The following SOX5 variants were observed in gnomAD, a reference collection of about 807,000 sequenced individuals.
SOX5 encodes SRY-box transcription factor 5, also known as transcription factor SOX-5.
SOX5 carries 9 observed loss-of-function variants against 92.0 expected under a neutral mutation model. The ratio of observed to expected loss-of-function variants is 0.10; its 90% CI spans 0.06 to 0.17. The LOEUF (loss-of-function observed/expected upper bound fraction) is 0.17, where lower values mean the gene tolerates loss of function less well. Ranked by LOEUF, SOX5 falls within the 10% of genes least tolerant of loss-of-function variation. The pLI, the probability that SOX5 is intolerant of heterozygous loss-of-function variation, is 1.00. For synonymous variants in SOX5, 344 were observed against 336.3 expected (o/e 1.02, Z -0.25); for missense variants, 642 against 944.5 (o/e 0.68, Z 4.20).
intron 4 of SOX5, among the ~76,000 whole-genome samples, chr12:24,179,224 C>G (rs71450421): frequency 0.037 from 5,692 of 152,156 alleles, 113 homozygotes; most frequent in Middle Eastern, 0.058. Flanking sequence ...CGCAAAAGAA[C>G]CAAAGGAGAA....
chr12:23,722,655 T>C (rs149054798), intron 6 of SOX5, among the ~76,000 whole-genome samples: 134 of 152,308 alleles, frequency 8.8e-4, no homozygotes, highest in African/African-American at 3.1e-3. Context: ...TATATATACA[T>C]ACACATATAC....
intron 4 of SOX5, among the ~76,000 whole-genome samples, chr12:24,095,128 C>CACACACACACACAGAGAG (rs1345578614): frequency 1.1e-5 from 1 of 90,214 alleles, no homozygotes; most frequent in Non-Finnish European, 2.3e-5. Flanking sequence ...CACACACACA[C>CACACACACACACAGAGAG]AGAGAGAGAG....
chr12:24,515,220 A>G (rs1032411443), intron 1 of SOX5, among the ~76,000 whole-genome samples: 2 of 152,168 alleles, frequency 1.3e-5, no homozygotes, highest in African/African-American at 4.8e-5. Context: ...TGGACCTGGC[A>G]TGTGTTGTTA....
chr12:23,971,792 G>A (rs1591939985), intron 4 of SOX5, among the ~76,000 whole-genome samples: 1 of 151,936 alleles, frequency 6.6e-6, no homozygotes, highest in South Asian at 2.1e-4. Flanking sequence ...TAACAGATTT[G>A]GGGAGGGGAA....
intron 2 of SOX5, among the ~76,000 whole-genome samples, chr12:23,851,586 T>G (rs2096634193): frequency 6.6e-6 from 1 of 152,194 alleles, no homozygotes; most frequent in South Asian, 2.1e-4. Flanking sequence ...TTTGTTATAG[T>G]AATGATTATG....
At chr12:24,411,296 G>C (rs971855278) in intron 1 of SOX5, among the ~76,000 whole-genome samples, 18 of 151,514 alleles carry the variant, frequency 1.2e-4, no homozygotes, top group African/African-American at 4.4e-4. Context: ...TAATCCATAT[G>C]CTTTTAATTA....
At chr12:24,534,584 T>C (rs917274205) in intron 1 of SOX5, among the ~76,000 whole-genome samples, 1 of 152,128 alleles carries the variant, frequency 6.6e-6, no homozygotes, top group Admixed American at 6.5e-5. Context: ...AAAACCTGAG[T>C]CCTTGAAAAG....
chr12:23,888,362 A>C (rs755441709), intron 2 of SOX5, among the ~76,000 whole-genome samples: 3 of 152,106 alleles, frequency 2.0e-5, no homozygotes, highest in Non-Finnish European at 4.4e-5. Context: ...GTGTGGGGAT[A>C]ATAGTAGACA....
At chr12:24,547,874 C>A (rs1203851963) in intron 1 of SOX5, among the ~76,000 whole-genome samples, 1 of 152,160 alleles carries the variant, frequency 6.6e-6, no homozygotes, top group African/African-American at 2.4e-5. Context: ...GTGTTCGTAT[C>A]CCCTGGCAGA....
intron 1 of SOX5, among the ~76,000 whole-genome samples, chr12:24,438,887 G>A (rs1315707896): frequency 6.6e-6 from 1 of 152,242 alleles, no homozygotes; most frequent in African/African-American, 2.4e-5. Flanking sequence ...AAAGGATTTA[G>A]AATAACTTAG....
intron 4 of SOX5, among the ~76,000 whole-genome samples, chr12:23,995,432 C>G (rs942636974): frequency 6.6e-6 from 1 of 152,106 alleles, no homozygotes; most frequent in African/African-American, 2.4e-5. Flanking sequence ...CAGTGACTCA[C>G]GACTATAATC....
chr12:23,845,845 A>G (rs2096569162), intron 3 of SOX5, 138 bp downstream of exon 3: 1 of 677,204 alleles, frequency 1.5e-6, no homozygotes, highest in Non-Finnish European at 2.6e-6. Flanking sequence ...AAATATACCA[A>G]CCGTCTTCAT....
At chr12:24,293,680 T>C (rs948019335) in intron 2 of SOX5, among the ~76,000 whole-genome samples, 1 of 152,198 alleles carries the variant, frequency 6.6e-6, no homozygotes, top group Non-Finnish European at 1.5e-5. Context: ...TCAATATCAA[T>C]ATTGACAGGA....
At chr12:24,344,099 A>G (rs1010958144) in intron 2 of SOX5, among the ~76,000 whole-genome samples, 1 of 151,942 alleles carries the variant, frequency 6.6e-6, no homozygotes, top group Non-Finnish European at 1.5e-5. Flanking sequence ...CCTGACCAAC[A>G]TGGTGAAACC....
At chr12:23,563,020 G>A (rs544735802) in intron 11 of SOX5, among the ~76,000 whole-genome samples, 16 of 152,256 alleles carry the variant, frequency 1.1e-4, no homozygotes, top group Middle Eastern at 3.4e-3. Context: ...AGCTGGTGGC[G>A]TAAAAGGGGA....
chr12:23,601,344 G>A (rs2137427822), intron 9 of SOX5, among the ~76,000 whole-genome samples: 1 of 152,230 alleles, frequency 6.6e-6, no homozygotes, highest in Middle Eastern at 3.4e-3. Context: ...ACAACTCAGA[G>A]AACATGGTTA....
At chr12:23,845,312 A>T (rs1456633147) in intron 3 of SOX5, among the ~76,000 whole-genome samples, 3 of 152,214 alleles carry the variant, frequency 2.0e-5, no homozygotes, top group African/African-American at 7.2e-5. Flanking sequence ...AACATAAAGG[A>T]TGATTGTCAA....
chr12:24,054,368 A>G (rs1957893913), intron 4 of SOX5, among the ~76,000 whole-genome samples: 1 of 152,126 alleles, frequency 6.6e-6, no homozygotes, highest in Non-Finnish European at 1.5e-5. Context: ...ATCACTAAAG[A>G]TCTAGCTACT....
chr12:23,551,797 C>T lies in SOX5; in HGVS notation c.1489-5373G>A, dbSNP rs150425575. ...TATCTAATACTGATTTTTTTTTTTC[C>T]CTTTCTGAATTCCCTCATGAATTGA... On this transcript the variant is annotated intron_variant, in intron 11 of 14. Coordinates refer to ENST00000451604, the MANE Select transcript of SOX5 (RefSeq NM_006940.6). Among the ~76,000 whole-genome samples the T allele has an allele frequency of 3.9e-3, 586 of 150,786 alleles. 5 individuals carry two copies. The highest frequency in any genetic ancestry group is 0.013 in the African/African-American group (555 of 41,222).
Sources: gnomAD v4.1 joint callset for allele counts (sites outside exome capture counted in the v4.1 genomes callset) on GRCh38, gnomAD v4.1.1 for gene constraint, MANE v1.5 for transcripts, NCBI Gene and HGNC (gene_info 2026-07-23, HGNC 2026-07-21) for gene names.